Variants in NIN observed in about 807,000 individuals in gnomAD.
NIN encodes the protein glycogen synthase kinase 3 beta-interacting protein.
In NIN, 137 loss-of-function variants were observed where a neutral mutation model predicts 257.6. The ratio of observed to expected loss-of-function variants is 0.53; its 90% CI spans 0.46 to 0.61. The LOEUF (loss-of-function observed/expected upper bound fraction) is 0.61. Among genes scored for constraint, NIN ranks in the 20% least tolerant of loss-of-function variants. NIN has a pLI of 0.00. For synonymous variants in NIN, 918 were observed against 919.8 expected, an observed-to-expected ratio of 1.00 and a Z score of 0.04; for missense variants, 2,439 against 2,501.2, an observed-to-expected ratio of 0.98 and a Z score of 0.53.
At chr14:50,752,211 T>A (rs2041818464) in intron 21 of NIN, among the ~76,000 whole-genome samples, 1 of 152,006 alleles carries the variant, frequency 6.6e-6, no homozygotes, top group Non-Finnish European at 1.5e-5. Flanking sequence ...TCCTTGTGCA[T>A]GGAATGAAAC....
At position 50,757,715 on chromosome 14, in the gene NIN, A is replaced by C. The variant is rs778871450; in HGVS notation, c.3315T>G (p.Ser1105=). Residue 1105 remains serine (S), a synonymous_variant, in exon 18 of 31, where the codon TCT becomes TCG. Coordinates refer to ENST00000530997, the MANE Select transcript of NIN (RefSeq NM_020921.4). ...LQKLEPGLVM[S]SCLDEPATEF... ...CAGTAGCTGGCTCATCCAAACAAGA[A>C]GACATTACTAACCCTGGCTCTAACT... 8.1e-6 allele frequency: 13 copies of C among 1,614,086 alleles called. No homozygotes were observed. Among genetic ancestry groups the C allele is most frequent in the Admixed American group, 1.7e-5 (1 of 60,002 alleles).
chr14:50,741,906 GTTAAA>G (rs1566791706), intron 24 of NIN, 178 bp from the exon 25 acceptor site: 1 of 559,456 alleles, frequency 1.8e-6, no homozygotes, highest in Non-Finnish European at 3.1e-6. Context: ...TTTACAGGAT[GTTAAA>G]TTATATTTAG....
chr14:50,742,793 T>A lies in NIN; in HGVS notation c.5301+623A>T, dbSNP rs1373185574. Reference sequence around the variant, plus strand: ...TTCATAAAGGGAATGTTGATATAGATCTTCAAAATAGGGCATAAACTGCCT... The same window carrying A: ...TTCATAAAGGGAATGTTGATATAGAACTTCAAAATAGGGCATAAACTGCCT... On this transcript the variant is annotated intron_variant, in intron 24 of 30. Transcript: ENST00000530997. Among the ~76,000 whole-genome samples the A allele has an allele frequency of 3.3e-5, 5 of 152,276 alleles. No homozygotes were observed. The East Asian group carries it at 9.6e-4, about 29-fold the overall frequency.
rs755117284 is a variant in NIN at position 50,761,847 on chromosome 14, C to A, written c.1839G>T (p.Gln613His). ...MSIEAELVIE[Q>H]MKEQHHRDIC... ...TGTCCCTGTGATGTTGTTCTTTCAT[C>A]TGTTCAATGACCAGCTCTGCCTCAA... is the stretch of plus-strand genomic sequence containing the variant. The change falls in exon 16 of 31, where the codon CAG becomes CAT. Residue 613 changes from glutamine to histidine, a missense_variant. Coordinates refer to ENST00000530997, the MANE Select transcript of NIN (RefSeq NM_020921.4). 2.5e-6 allele frequency: 4 copies of A among 1,614,194 alleles called. No individual in the cohort carries two copies. The East Asian group carries it at 6.7e-5, about 27-fold the overall frequency.
chr14:50,721,910 G>A lies in NIN; in HGVS notation c.*1553C>T, dbSNP rs1170487855. On this transcript the variant is annotated 3_prime_UTR_variant, in exon 31 of 31. Coordinates refer to ENST00000530997, the MANE Select transcript of NIN (RefSeq NM_020921.4). ...ATGGAAATTATTTTGTTGAGATTGA[G>A]TTTCTGACATGATGACTTCTTGGGC... 1 of 225,658 alleles carries A rather than the reference G, an allele frequency of 4.4e-6. No individual in the cohort carries two copies. Among genetic ancestry groups the A allele is most frequent in the East Asian group, 6.3e-5 (1 of 15,822 alleles). 14.0% of individuals were successfully genotyped at this position (225,658 alleles called of 1,614,324 possible). A position where few individuals can be genotyped will look rare whatever the true frequency, so the allele number is the denominator to read the frequency against.
chr14:50,730,476 C>T (rs2040636752), intron 28 of NIN, among the ~76,000 whole-genome samples: 1 of 152,008 alleles, frequency 6.6e-6, no homozygotes, highest in Admixed American at 6.6e-5. Context: ...CAAACATTAC[C>T]AAGACTAAAC....
intron 5 of NIN, among the ~76,000 whole-genome samples, chr14:50,789,769 CAG>C (rs2043505340): frequency 6.6e-6 from 1 of 152,178 alleles, no homozygotes; most frequent in East Asian, 1.9e-4. Flanking sequence ...GTAGAAGGGA[CAG>C]AGGTTTCCAG....
chr14:50,752,524 T>G lies in NIN; in HGVS notation c.4944A>C (p.Lys1648Asn). The change falls in exon 21 of 31, where the codon AAA becomes AAC. Residue 1648 changes from lysine (K) to asparagine (N), a missense_variant. Around this residue, in one of 3 missense-constraint regions of NIN, gnomAD observed 2,043 missense variants for 2,050.2 expected, o/e 1.00. Coordinates refer to ENST00000530997, the MANE Select transcript of NIN (RefSeq NM_020921.4). ...FNLKEELERCKVQSSTLVSSL... is the reference protein window; with the variant it reads ...FNLKEELERCNVQSSTLVSSL... ...AGGTGGCTACAGGCCATACCTGCAC[T>G]TTACAACGTTCCAGTTCTTCTTTCA... 1 of 1,613,396 alleles carries G rather than the reference T, an allele frequency of 6.2e-7. No individual in the cohort carries two copies. The highest frequency in any genetic ancestry group is 8.5e-7 in the Non-Finnish European group (1 of 1,179,506).
intron 29 of NIN, among the ~76,000 whole-genome samples, chr14:50,728,364 G>T (rs547770334): frequency 1.3e-5 from 2 of 152,280 alleles, no homozygotes; most frequent in East Asian, 3.9e-4. Context: ...AGATTTTAAA[G>T]CTCATAAAAC....
At chr14:50,770,597 G>A (rs1336603824) in intron 11 of NIN, 35 bp from the exon 12 acceptor site, 7 of 1,604,910 alleles carry the variant, frequency 4.4e-6, no homozygotes, top group Non-Finnish European at 4.3e-6. Flanking sequence ...CTGCCATCAC[G>A]TCTTTCAGAG....
At chr14:50,764,082 ACTAT>A in intron 14 of NIN, 118 bp from the exon 15 acceptor site, 1 of 823,820 alleles carries the variant, frequency 1.2e-6, no homozygotes, top group Middle Eastern at 3.5e-4. Flanking sequence ...TTCAAAGGAC[ACTAT>A]CAAGAAAGTA....
chr14:50,778,055 TGAG>T (rs1311541359), intron 6 of NIN, among the ~76,000 whole-genome samples: 1 of 152,230 alleles, frequency 6.6e-6, no homozygotes, highest in Non-Finnish European at 1.5e-5. Flanking sequence ...TGAAGTGGGC[TGAG>T]GTTCTGTTAG....
Position 50,759,844 on chromosome 14 carries a change from T to C in NIN, c.2399+13A>G. 6.3e-7 allele frequency: 1 copy of C among 1,592,060 alleles called. No individual in the cohort carries two copies. Among genetic ancestry groups the C allele is most frequent in the South Asian group, 1.1e-5 (1 of 87,398 alleles). On this transcript the variant is annotated intron_variant, in intron 17 of 30. Transcript: ENST00000530997. ...GGTGCCCCAGGTAGCTTCATTTCCC[T>C]TCACTTTCTTACCTTCCCTCCTGAA...
At chr14:50,793,425 C>T (rs753937107) in intron 4 of NIN, among the ~76,000 whole-genome samples, 1 of 152,004 alleles carries the variant, frequency 6.6e-6, no homozygotes, top group Non-Finnish European at 1.5e-5. Context: ...ACGGACACAA[C>T]ACATTCTAAG....
chr14:50,828,971 CTGTA>C (rs1297111719), intron 2 of NIN, among the ~76,000 whole-genome samples: 3 of 152,192 alleles, frequency 2.0e-5, no homozygotes, highest in Non-Finnish European at 4.4e-5. Context: ...TTAATGCAGA[CTGTA>C]TGATGGCTTC....
At chr14:50,811,065 C>CT (rs2044574770) in intron 3 of NIN, among the ~76,000 whole-genome samples, 1 of 151,180 alleles carries the variant, frequency 6.6e-6, no homozygotes, top group Admixed American at 6.6e-5. Flanking sequence ...TGTATCCATG[C>CT]TTAGTGTTGA....
chr14:50,771,048 C>T, intron 10 of NIN, 56 bp from the exon 11 acceptor site: 1 of 1,572,098 alleles, frequency 6.4e-7, no homozygotes, highest in South Asian at 1.2e-5. Flanking sequence ...AACAAGTAGA[C>T]CCAGAAAAGC....
At chr14:50,761,319 G>A (rs1326481100) in intron 16 of NIN, among the ~76,000 whole-genome samples, 1 of 152,156 alleles carries the variant, frequency 6.6e-6, no homozygotes, top group Admixed American at 6.5e-5. Flanking sequence ...AACAGCACAA[G>A]CAAAAGAGGA....
intron 4 of NIN, among the ~76,000 whole-genome samples, chr14:50,802,100 T>C (rs2044127082): frequency 6.6e-6 from 1 of 152,214 alleles, no homozygotes. Context: ...AATAAATAGC[T>C]AATAATTAAG....
Sources: gnomAD v4.1 joint callset for allele counts (sites outside exome capture counted in the v4.1 genomes callset) on GRCh38, gnomAD v4.1.1 for gene constraint, gnomAD v4.1.1 regional missense constraint, MANE v1.5 for transcripts, NCBI Gene and HGNC (gene_info 2026-07-23, HGNC 2026-07-21) for gene names.